The following SND1 variants were observed in gnomAD, a reference collection of about 807,000 sequenced individuals.
SND1 encodes the protein staphylococcal nuclease and tudor domain containing 1, also known as staphylococcal nuclease domain-containing protein 1.
SND1 carries 38 observed loss-of-function variants against 121.7 expected under a neutral mutation model. The observed-to-expected ratio is 0.31, with a 90% CI of 0.24 to 0.41. SND1 has a LOEUF of 0.41. SND1 is among the 10% of genes least tolerant of loss of function. SND1 has a pLI of 1.00. For synonymous variants in SND1, 401 were observed against 447.4 expected, an observed-to-expected ratio of 0.90 and a Z score of 1.31; for missense variants, 868 against 1,184.6, an observed-to-expected ratio of 0.73 and a Z score of 3.92.
intron 2 of SND1, 106 bp from the exon 3 acceptor site, chr7:127,694,722 C>T: frequency 7.4e-7 from 1 of 1,352,186 alleles, no homozygotes; most frequent in Non-Finnish European, 1.0e-6. Context: ...AGGGCCAGGA[C>T]CATGGTAGGT....
intron 13 of SND1, among the ~76,000 whole-genome samples, chr7:127,893,186 G>A (rs1020731875): frequency 6.6e-6 from 1 of 152,068 alleles, no homozygotes; most frequent in East Asian, 1.9e-4. Flanking sequence ...TGTATTTGGT[G>A]TAACACATCC....
intron 16 of SND1, among the ~76,000 whole-genome samples, chr7:128,007,410 G>A (rs1803007554): frequency 6.6e-6 from 1 of 152,208 alleles, no homozygotes; most frequent in African/African-American, 2.4e-5. Context: ...GTGGGAAGTG[G>A]CTCGGCTCCT....
chr7:127,784,894 C>T (rs1797784127), intron 10 of SND1, among the ~76,000 whole-genome samples: 1 of 152,140 alleles, frequency 6.6e-6, no homozygotes, highest in Non-Finnish European at 1.5e-5. Flanking sequence ...TGGGGGCTGG[C>T]TTAAAGGAAT....
chr7:127,690,673 A>G (rs562786702), intron 2 of SND1, among the ~76,000 whole-genome samples: 1 of 152,380 alleles, frequency 6.6e-6, no homozygotes, highest in Non-Finnish European at 1.5e-5. Context: ...ACAGGTAAGC[A>G]GTGAATAAAC....
At chr7:127,987,264 C>T (rs1041141560) in intron 15 of SND1, among the ~76,000 whole-genome samples, 1 of 152,192 alleles carries the variant, frequency 6.6e-6, no homozygotes, top group Non-Finnish European at 1.5e-5. Flanking sequence ...TTTCTTAGAA[C>T]CCAACTTTCT....
intron 15 of SND1, among the ~76,000 whole-genome samples, chr7:127,986,479 A>G (rs905045482): frequency 2.6e-5 from 4 of 152,230 alleles, no homozygotes; most frequent in African/African-American, 9.6e-5. Context: ...TTAATATTCT[A>G]TCAGTGGCAG....
intron 10 of SND1, among the ~76,000 whole-genome samples, chr7:127,723,163 G>A (rs1455484816): frequency 6.6e-6 from 1 of 152,210 alleles, no homozygotes; most frequent in Non-Finnish European, 1.5e-5. Flanking sequence ...TATAGCTTAG[G>A]TAGGATGATA....
At chr7:127,657,025 C>A (rs971877840) in intron 1 of SND1, among the ~76,000 whole-genome samples, 3 of 152,124 alleles carry the variant, frequency 2.0e-5, no homozygotes, top group Admixed American at 6.5e-5. Context: ...TAAAGGTTTT[C>A]TGTCATTTTT....
chr7:128,007,459 G>A (rs1445774188), intron 16 of SND1, among the ~76,000 whole-genome samples: 1 of 152,240 alleles, frequency 6.6e-6, no homozygotes, highest in Non-Finnish European at 1.5e-5. Context: ...CTGATATGGA[G>A]ACGAGGCAAC....
intron 13 of SND1, among the ~76,000 whole-genome samples, chr7:127,892,270 C>T (rs1800022491): frequency 6.6e-6 from 1 of 152,096 alleles, no homozygotes; most frequent in Non-Finnish European, 1.5e-5. Context: ...ATCTGCCAAC[C>T]TTTCTCATAT....
intron 14 of SND1, among the ~76,000 whole-genome samples, chr7:127,909,906 A>G (rs1372454516): frequency 1.3e-5 from 2 of 152,198 alleles, no homozygotes; most frequent in Admixed American, 1.3e-4. Flanking sequence ...CCTTTAAAAC[A>G]GTTAGATAAG....
intron 10 of SND1, among the ~76,000 whole-genome samples, chr7:127,803,198 C>T (rs1031040641): frequency 5.3e-5 from 8 of 152,178 alleles, no homozygotes; most frequent in African/African-American, 1.9e-4. Flanking sequence ...GTTATCTTTG[C>T]TTTTCTTCCG....
chr7:128,075,720 C>T (rs1029391660), intron 17 of SND1, among the ~76,000 whole-genome samples: 4 of 152,184 alleles, frequency 2.6e-5, no homozygotes, highest in African/African-American at 7.2e-5. Flanking sequence ...AAAGCTAGCA[C>T]AGATGAAAGG....
At chr7:127,683,028 TTC>T (rs1795754039) in intron 1 of SND1, among the ~76,000 whole-genome samples, 1 of 152,204 alleles carries the variant, frequency 6.6e-6, no homozygotes, top group African/African-American at 2.4e-5. Flanking sequence ...TAAAGTATTT[TTC>T]CCCCAGAAGG....
chr7:128,081,653 C>A, intron 18 of SND1, 152 bp downstream of exon 18: 2 of 839,458 alleles, frequency 2.4e-6, no homozygotes, highest in Non-Finnish European at 1.9e-6. Context: ...CCCTGTCTCC[C>A]TGCCTTGTCC....
intron 10 of SND1, among the ~76,000 whole-genome samples, chr7:127,801,538 T>A (rs763286960): frequency 3.9e-5 from 6 of 152,182 alleles, no homozygotes; most frequent in Non-Finnish European, 8.8e-5. Flanking sequence ...TCCATACACC[T>A]GCAGATGAAC....
At position 127,721,349 on chromosome 7, in the gene SND1, G is replaced by T; in HGVS notation, c.1101G>T (p.Thr367=). 1.2e-6 allele frequency: 2 copies of T among 1,613,564 alleles called. No homozygotes were observed. The highest frequency in any genetic ancestry group is 1.7e-6 in the Non-Finnish European group (2 of 1,179,800). Residue 367 remains threonine (T), a synonymous_variant, in exon 10 of 24, where the codon ACG becomes ACT. Coordinates refer to ENST00000354725, the MANE Select transcript of SND1 (RefSeq NM_014390.4). ...VVKLNSGDYK[T]IHLSSIRPPR... ...AGCTGAACTCAGGCGATTACAAGAC[G>T]ATTCACCTGTCCAGCATCCGACCAC...
chr7:127,653,735 G>A (rs559482520), intron 1 of SND1, among the ~76,000 whole-genome samples: 4 of 152,188 alleles, frequency 2.6e-5, no homozygotes, highest in East Asian at 3.9e-4. Context: ...AGATCCCCTC[G>A]CCCAATTCCC....
At chr7:127,929,402 C>A (rs1723315068) in intron 15 of SND1, 73 bp downstream of exon 15, 1 of 1,519,420 alleles carries the variant, frequency 6.6e-7, no homozygotes, top group Non-Finnish European at 9.1e-7. Flanking sequence ...TCCTTTCCCC[C>A]TGTGTTCTAG....
Sources: gnomAD v4.1 joint callset for allele counts (sites outside exome capture counted in the v4.1 genomes callset) on GRCh38, gnomAD v4.1.1 for gene constraint, MANE v1.5 for transcripts, NCBI Gene and HGNC (gene_info 2026-07-23, HGNC 2026-07-21) for gene names.